MUC5B: variants seen among roughly 807,000 people sequenced by gnomAD.
MUC5B encodes mucin-5B.
MUC5B carries 116 observed loss-of-function variants against 376.9 expected under a neutral mutation model. The observed-to-expected ratio is 0.31, with a 90% CI of 0.26 to 0.36. MUC5B has a LOEUF of 0.36. Among genes scored for constraint, MUC5B ranks in the 10% least tolerant of loss-of-function variants. The pLI, the probability that MUC5B is intolerant of heterozygous loss-of-function variation, is 1.00. For synonymous variants in MUC5B, 3,517 were observed against 3,390.9 expected, an observed-to-expected ratio of 1.04 and a Z score of -1.29; for missense variants, 7,165 against 7,769.9, an observed-to-expected ratio of 0.92 and a Z score of 2.93.
Position 1,234,454 on chromosome 11 carries a change from G to A in MUC5B, c.2479-75G>A, listed in dbSNP as rs1590172290. ...CGTTGCCCTGGGTGCTGCTGGGTGC[G>A]CCTGTCCCAGAGGGTGAGTGACATC... On this transcript the variant is annotated intron_variant, in intron 20 of 48. Coordinates refer to ENST00000529681, the MANE Select transcript of MUC5B (RefSeq NM_002458.3). This position sits in a 1 kb window ranked among gnomAD's most constrained non-coding sequence, Gnocchi z 6.3. The A allele has an allele frequency of 2.7e-5, 41 of 1,529,728 alleles. No individual in the cohort carries two copies. Among genetic ancestry groups the A allele is most frequent in the East Asian group, 7.4e-5 (3 of 40,664 alleles). The allele number at this position is 1,529,728 out of a possible 1,614,324, so 94.8% of individuals were successfully genotyped here. A position where few individuals can be genotyped will look rare whatever the true frequency, so the allele number is the denominator to read the frequency against.
At chr11:1,226,580 G>A in intron 3 of MUC5B, 35 bp from the exon 4 acceptor site, 3 of 1,585,718 alleles carry the variant, frequency 1.9e-6, no homozygotes, top group Non-Finnish European at 1.7e-6. Context: ...TGGGGGGCTG[G>A]CATGGGGATG....
Position 1,241,874 on chromosome 11 carries a change from C to A in MUC5B, c.4994C>A (p.Thr1665Asn), listed in dbSNP as rs551049145. 9.3e-6 allele frequency: 15 copies of A among 1,613,188 alleles called. No individual in the cohort carries two copies. Among genetic ancestry groups the A allele is most frequent in the East Asian group, 4.5e-5 (2 of 44,830 alleles). The change falls in exon 31 of 49, where the codon ACC becomes AAC. Residue 1665 changes from threonine to asparagine, a missense_variant. By Grantham distance (65) the Thr-to-Asn change is moderately conservative (BLOSUM62 0). This residue lies in a region of MUC5B where 897 missense variants were observed against 779.6 expected (regional missense o/e 1.15). Coordinates refer to ENST00000529681, the MANE Select transcript of MUC5B (RefSeq NM_002458.3). ...EGLTSPRYTS[T>N]LGTATTGGPT... ...CTGACATCCCCCAGATACACAAGCACCCTTGGTACAGCCACCACGGGAGGC... is the reference window on the plus strand; with the variant it reads ...CTGACATCCCCCAGATACACAAGCAACCTTGGTACAGCCACCACGGGAGGC...
Position 1,240,872 on chromosome 11 carries a change from C to T in MUC5B, c.3992C>T (p.Thr1331Ile). Residue 1331 changes from threonine (T) to isoleucine (I), a missense_variant, in exon 31 of 49, where the codon ACC (threonine) becomes ATC (isoleucine). Physicochemically the swap from Thr to Ile is moderately conservative, Grantham distance 89. Coordinates refer to ENST00000529681, the MANE Select transcript of MUC5B (RefSeq NM_002458.3). ...STTSPALPVS[T>I]VCVREVCRWS... ...GCAGGCCCGGCCCTCCCGGTCTCCACCGTGTGTGTCCGCGAGGTCTGCCGC... is the reference window on the plus strand; with the variant it reads ...GCAGGCCCGGCCCTCCCGGTCTCCATCGTGTGTGTCCGCGAGGTCTGCCGC... The T allele has an allele frequency of 1.9e-6, 3 of 1,611,120 alleles. No individual in the cohort carries two copies. The highest frequency in any genetic ancestry group is 2.2e-5 in the East Asian group (1 of 44,848).
chr11:1,246,134 C>G lies in MUC5B; in HGVS notation c.9254C>G (p.Thr3085Ser), dbSNP rs1862456131. 1 of 1,613,202 alleles carries G rather than the reference C, an allele frequency of 6.2e-7. No individual in the cohort carries two copies. The highest frequency in any genetic ancestry group is 8.5e-7 in the Non-Finnish European group (1 of 1,179,580). Residue 3085 changes from threonine (T) to serine (S), a missense_variant, in exon 31 of 49, where the codon ACC becomes AGC. This residue lies in a region of MUC5B where 939 missense variants were observed against 770.6 expected (regional missense o/e 1.22). Coordinates refer to ENST00000529681, the MANE Select transcript of MUC5B (RefSeq NM_002458.3). ...ACCGGGACCCTCCCAGAACAGACCA[C>G]CACACCCATGGCCACCATGTCCACA... ...GTTGTLPEQTTTPMATMSTIH... is the reference protein window; with the variant it reads ...GTTGTLPEQTSTPMATMSTIH...
chr11:1,259,793 G>A lies in MUC5B; in HGVS notation c.16751G>A (p.Gly5584Glu). The change falls in exon 45 of 49, where the codon GGG (glycine) becomes GAG (glutamate). Residue 5584 changes from glycine (G) to glutamate (E), a missense_variant. Gly to Glu is a moderately conservative substitution (Grantham distance 98, BLOSUM62 -2). Around this residue, in one of 31 missense-constraint regions of MUC5B, gnomAD observed 842 missense variants for 1,016.9 expected, o/e 0.83. Transcript: ENST00000529681. ...AAGAGAGTGGCCGGGCAGTGCTGTG[G>A]GGAGTGCGTCCAGACCGCCTGCCTC... is the stretch of plus-strand genomic sequence containing the variant. Reference protein sequence around the residue: ...EYKRVAGQCCGECVQTACLTP... With the variant: ...EYKRVAGQCCEECVQTACLTP... The A allele has an allele frequency of 6.2e-7, 1 of 1,612,440 alleles. No individual in the cohort carries two copies. The highest frequency in any genetic ancestry group is 8.5e-7 in the Non-Finnish European group (1 of 1,179,692).
chr11:1,235,357 A>G lies in MUC5B; in HGVS notation c.2824A>G (p.Ile942Val), dbSNP rs778539768. Residue 942 changes from isoleucine to valine, a missense_variant, in exon 23 of 49, where the codon ATC becomes GTC. Around this residue, in one of 31 missense-constraint regions of MUC5B, gnomAD observed 530 missense variants for 604.0 expected, o/e 0.88. Transcript: ENST00000529681. ...HGTFRIVTEN[I>V]PCGTTGTTCS... ...GACCTTCCGCATCGTCACCGAGAACATCCCCTGTGGGACCACCGGCACCAC... is the reference window on the plus strand; with the variant it reads ...GACCTTCCGCATCGTCACCGAGAACGTCCCCTGTGGGACCACCGGCACCAC... 1 of 1,612,702 alleles carries G rather than the reference A, an allele frequency of 6.2e-7. No homozygotes were observed. The highest frequency in any genetic ancestry group is 1.7e-5 in the Admixed American group (1 of 59,986).
Position 1,244,897 on chromosome 11 carries a change from T to C in MUC5B, c.8017T>C (p.Ser2673Pro). Residue 2673 changes from serine (S) to proline (P), a missense_variant, in exon 31 of 49, where the codon TCT becomes CCT. By Grantham distance (74) the Ser-to-Pro change is moderately conservative. Transcript: ENST00000529681. ...CACCACCACAACTGTGGCCACTGGT[T>C]CTATGGCAACACCCTCCTCTAGCAC... ...TTTTTTVATG[S>P]MATPSSSTQT... 6.2e-7 allele frequency: 1 copy of C among 1,602,738 alleles called. No individual in the cohort carries two copies. Among genetic ancestry groups the C allele is most frequent in the South Asian group, 1.1e-5 (1 of 90,530 alleles).
intron 47 of MUC5B, 49 bp from the exon 48 acceptor site, chr11:1,260,577 T>C: frequency 6.4e-7 from 1 of 1,553,396 alleles, no homozygotes; most frequent in South Asian, 1.1e-5. Flanking sequence ...GTCCAGGCCC[T>C]CAGAGTGAGG....
At chr11:1,254,994 G>A (rs762627814) in intron 35 of MUC5B, 47 bp from the exon 36 acceptor site, 8 of 1,532,272 alleles carry the variant, frequency 5.2e-6, no homozygotes, top group Non-Finnish European at 7.1e-6. Context: ...TGGGGGCTGT[G>A]AAAGGCTCCC....
chr11:1,235,799 C>A (rs1235221736), intron 23 of MUC5B, among the ~76,000 whole-genome samples: 3 of 151,264 alleles, frequency 2.0e-5, no homozygotes, highest in Admixed American at 2.0e-4. Flanking sequence ...TTTAGGGCCC[C>A]CCCCCGCCCC....
In MUC5B at chr11:1,257,773, CA is replaced by C. The variant is rs1862881003; in HGVS notation, c.16450+64del. 6.7e-7 allele frequency: 1 copy of C among 1,485,720 alleles called. No individual in the cohort carries two copies. The highest frequency in any genetic ancestry group is 2.1e-5 in the Admixed American group (1 of 48,228). 92.0% of individuals were successfully genotyped at this position (1,485,720 alleles called of 1,614,324 possible). The stretch of plus-strand genomic sequence containing the variant: ...GAGGGGGGACAGAGCCGGTGCCCAC[CA>C]GGGGCCTGTGGGTTGGGCACAGGAG... On this transcript the variant is annotated intron_variant, in intron 41 of 48. Transcript: ENST00000529681. This position sits in a 1 kb window ranked among gnomAD's most constrained non-coding sequence, Gnocchi z 8.9.
chr11:1,256,886 G>C, intron 39 of MUC5B, 115 bp downstream of exon 39: 3 of 824,298 alleles, frequency 3.6e-6, no homozygotes, highest in Non-Finnish European at 5.5e-6. Context: ...GCTGACCCCC[G>C]TGACCTGTTC....
At position 1,252,475 on chromosome 11, in the gene MUC5B, C is replaced by T. The variant is rs1223915359; in HGVS notation, c.14996C>T (p.Ser4999Phe). ...CCGCCAGTGTCCTCCGCCCCGCTGT[C>T]CTCGCCCTCCCCTGCCCCTGGCTGT... ...SPPPVSSAPL[S>F]SPSPAPGCDN... Residue 4999 changes from serine to phenylalanine, a missense_variant, in exon 32 of 49, where the codon TCC becomes TTC. Physicochemically the swap from Ser to Phe is radical, Grantham distance 155. This residue lies in a region of MUC5B where 730 missense variants were observed against 592.7 expected (regional missense o/e 1.23). Coordinates refer to ENST00000529681, the MANE Select transcript of MUC5B (RefSeq NM_002458.3). 6.3e-7 allele frequency: 1 copy of T among 1,591,666 alleles called. No individual in the cohort carries two copies. The highest frequency in any genetic ancestry group is 8.5e-7 in the Non-Finnish European group (1 of 1,170,106).
rs777076129 is a variant in MUC5B at position 1,227,801 on chromosome 11, C to T, written c.774+20C>T. 45 of 696,772 alleles carry T rather than the reference C, an allele frequency of 6.5e-5. No homozygotes were observed. The African/African-American group carries it at 6.8e-4, about 11-fold the overall frequency. 43.2% of individuals were successfully genotyped at this position (696,772 alleles called of 1,614,324 possible). A position where few individuals can be genotyped will look rare whatever the true frequency, so the allele number is the denominator to read the frequency against. On this transcript the variant is annotated intron_variant, in intron 7 of 48. Coordinates refer to ENST00000529681, the MANE Select transcript of MUC5B (RefSeq NM_002458.3). ...GACGAGGTGAGTCCCCCGCCACCCC[C>T]AGCTCCTGGGCAGGGACGGCCTCCA...
chr11:1,229,082 TGTGGAAGGCC>T, intron 8 of MUC5B, 78 bp from the exon 9 acceptor site: 5 of 1,395,266 alleles, frequency 3.6e-6, no homozygotes, highest in Non-Finnish European at 4.7e-6. Context: ...CTTGATGGCA[TGTGGAAGGCC>T]GTGGAAGGCG....
intron 7 of MUC5B, among the ~76,000 whole-genome samples, 178 bp downstream of exon 7, chr11:1,227,959 G>A (rs981022979): frequency 1.2e-4 from 18 of 152,314 alleles, no homozygotes; most frequent in South Asian, 4.1e-4. Flanking sequence ...GTGTGGTGAC[G>A]TGCGTGTTCA....
chr11:1,247,476 C>A lies in MUC5B; in HGVS notation c.10596C>A (p.His3532Gln). 2 of 1,608,240 alleles carry A rather than the reference C, an allele frequency of 1.2e-6. No individual in the cohort carries two copies. Among genetic ancestry groups the A allele is most frequent in the Non-Finnish European group, 1.7e-6 (2 of 1,177,586 alleles). The change falls in exon 31 of 49, where the codon CAC (histidine) becomes CAA (glutamine). Residue 3532 changes from histidine (H) to glutamine (Q), a missense_variant. Coordinates refer to ENST00000529681, the MANE Select transcript of MUC5B (RefSeq NM_002458.3). The stretch of plus-strand genomic sequence containing the variant: ...CTCCAGGGACGACCACCCCGGGCCA[C>A]ACCAGGGGCACCTCCAGGACCACAG... Reference protein sequence around the residue: ...PPSPGTTTPGHTRGTSRTTAT... With the variant: ...PPSPGTTTPGQTRGTSRTTAT...
chr11:1,252,158 T>A, intron 31 of MUC5B, among the ~76,000 whole-genome samples, 185 bp from the exon 32 acceptor site: 1 of 152,052 alleles, frequency 6.6e-6, no homozygotes, highest in East Asian at 1.9e-4. Flanking sequence ...CGGTCCCCAC[T>A]GGTCACAATC....
chr11:1,236,775 C>A, intron 24 of MUC5B, 150 bp from the exon 25 acceptor site: 2 of 1,118,852 alleles, frequency 1.8e-6, no homozygotes, highest in Non-Finnish European at 2.4e-6. Context: ...GCACACCTGT[C>A]TCCTACAAGT....
Sources: allele counts gnomAD v4.1 joint callset (sites outside exome capture counted in the v4.1 genomes callset), GRCh38; gene constraint gnomAD v4.1.1; regional missense constraint gnomAD v4.1.1; non-coding constraint Gnocchi (gnomAD v3.1); transcripts MANE v1.5; gene names NCBI Gene and HGNC (gene_info 2026-07-23, HGNC 2026-07-21).